SRGAP3: variants seen among roughly 807,000 people sequenced by gnomAD.
SRGAP3 encodes the protein SLIT-ROBO Rho GTPase-activating protein 3.
Under a neutral mutation model 121.1 loss-of-function variants are expected in SRGAP3, and 39 were observed. That is an observed-to-expected ratio of 0.32 (90% CI 0.25 to 0.42). The LOEUF (loss-of-function observed/expected upper bound fraction) is 0.42. Among genes scored for constraint, SRGAP3 ranks in the 10% least tolerant of loss-of-function variants. The pLI, the probability that SRGAP3 is intolerant of heterozygous loss-of-function variation, is 1.00. For synonymous variants in SRGAP3, 601 were observed against 570.0 expected (o/e 1.05, Z -0.77); for missense variants, 1,213 against 1,470.6 (o/e 0.82, Z 2.86).
chr3:9,181,844 A>G (rs1043645195), intron 1 of SRGAP3, among the ~76,000 whole-genome samples: 1 of 152,180 alleles, frequency 6.6e-6, no homozygotes, highest in African/African-American at 2.4e-5. Context: ...TGGAGTCCTC[A>G]TCCCAATAAC....
intron 3 of SRGAP3, among the ~76,000 whole-genome samples, chr3:9,284,666 C>T (rs1205876246): frequency 2.6e-5 from 4 of 151,842 alleles, no homozygotes; most frequent in Non-Finnish European, 4.4e-5. Context: ...CCCATCACTA[C>T]AAAAAATACA....
chr3:9,168,947 C>G (rs547273410), intron 1 of SRGAP3, among the ~76,000 whole-genome samples: 1 of 152,352 alleles, frequency 6.6e-6, no homozygotes, highest in Admixed American at 6.5e-5. Flanking sequence ...GGTGTCCCTT[C>G]CTCCCAACAG....
chr3:9,098,131 A>G (rs1948064936), intron 3 of SRGAP3, among the ~76,000 whole-genome samples: 1 of 152,100 alleles, frequency 6.6e-6, no homozygotes, highest in Non-Finnish European at 1.5e-5. Flanking sequence ...CTCCCTCTGA[A>G]CAAACTTCTG....
intron 3 of SRGAP3, among the ~76,000 whole-genome samples, chr3:9,280,972 G>GA (rs780823146): frequency 6.6e-6 from 1 of 152,122 alleles, no homozygotes; most frequent in African/African-American, 2.4e-5. Context: ...TGAATTGTTG[G>GA]GGGTGGTGGG....
At chr3:9,117,298 T>C (rs1302622482) in intron 2 of SRGAP3, among the ~76,000 whole-genome samples, 1 of 152,252 alleles carries the variant, frequency 6.6e-6, no homozygotes, top group Admixed American at 6.5e-5. Flanking sequence ...GTCTAAATTA[T>C]AGCATCTCTT....
intron 1 of SRGAP3, among the ~76,000 whole-genome samples, chr3:9,135,349 G>A (rs1188737034): frequency 6.6e-6 from 1 of 152,162 alleles, no homozygotes; most frequent in Non-Finnish European, 1.5e-5. Flanking sequence ...ATTTGCGCAC[G>A]ACCTCTCCAA....
intron 1 of SRGAP3, among the ~76,000 whole-genome samples, chr3:9,341,777 G>A (rs1174796834): frequency 6.6e-6 from 1 of 152,188 alleles, no homozygotes; most frequent in South Asian, 2.1e-4. Flanking sequence ...GAGATTACAG[G>A]TGTGAGCCAC....
intron 1 of SRGAP3, among the ~76,000 whole-genome samples, chr3:9,183,720 C>A (rs888328248): frequency 1.3e-5 from 2 of 151,574 alleles, no homozygotes; most frequent in Non-Finnish European, 2.9e-5. Context: ...TTGAACATGT[C>A]CTTCCACATG....
chr3:9,359,452 G>A (rs560282625), intron 1 of SRGAP3, among the ~76,000 whole-genome samples: 4 of 152,192 alleles, frequency 2.6e-5, no homozygotes, highest in Non-Finnish European at 5.9e-5. Context: ...GGTTGCTCAT[G>A]ATTGAAGCAT....
rs887007552 is a variant in SRGAP3 at position 9,109,130 on chromosome 3, G to C, written c.261-4288C>G. ...AAAGGAGAGATGAGATAATTGAGCT[G>C]TTACCTAAATTACTTCAGGGGCTTA... On this transcript the variant is annotated intron_variant, in intron 2 of 21. Transcript: ENST00000383836. The surrounding 1 kb of genome is among the most constrained non-coding windows in gnomAD (Gnocchi z 4.4). 1.1e-4 allele frequency among the ~76,000 whole-genome samples: 17 copies of C among 152,150 alleles called. No individual in the cohort carries two copies. The highest frequency in any genetic ancestry group is 3.3e-4 in the Admixed American group (5 of 15,284).
chr3:9,041,782 G>A (rs1275145490), intron 10 of SRGAP3, among the ~76,000 whole-genome samples: 1 of 152,180 alleles, frequency 6.6e-6, no homozygotes, highest in East Asian at 1.9e-4. Context: ...CACAATTTCT[G>A]GTAGCCACAT....
At chr3:9,173,200 G>A (rs1281391343) in intron 1 of SRGAP3, among the ~76,000 whole-genome samples, 2 of 152,220 alleles carry the variant, frequency 1.3e-5, no homozygotes, top group Non-Finnish European at 2.9e-5. Flanking sequence ...AGCTTCAGCA[G>A]GCCGAATGGA....
chr3:8,996,736 T>C (rs939740462), intron 18 of SRGAP3, among the ~76,000 whole-genome samples: 8 of 152,258 alleles, frequency 5.3e-5, no homozygotes, highest in African/African-American at 1.9e-4. Context: ...CCCATCTGCC[T>C]GCCTCGTTAC....
At chr3:9,355,173 C>A (rs1442897766) in intron 1 of SRGAP3, among the ~76,000 whole-genome samples, 2 of 152,140 alleles carry the variant, frequency 1.3e-5, no homozygotes, top group East Asian at 1.9e-4. Context: ...CTTTTCAAAC[C>A]CAAATCTAAA....
intron 1 of SRGAP3, among the ~76,000 whole-genome samples, chr3:9,242,095 A>AC (rs1227209143): frequency 2.7e-5 from 4 of 150,588 alleles, no homozygotes; most frequent in African/African-American, 9.8e-5. Context: ...AAAAAAAAAA[A>AC]AAAAGAGGAA....
At chr3:9,011,553 C>T (rs1943376249) in intron 17 of SRGAP3, among the ~76,000 whole-genome samples, 1 of 152,210 alleles carries the variant, frequency 6.6e-6, no homozygotes, top group African/African-American at 2.4e-5. Flanking sequence ...GGGTTGGCTC[C>T]TGTTCATTCT....
rs1297695754 is a variant in SRGAP3, at chr3:9,058,475, TG to T, written c.802-4del. 1 of 1,613,462 alleles carries T rather than the reference TG, an allele frequency of 6.2e-7. No homozygotes were observed. Among genetic ancestry groups the T allele is most frequent in the East Asian group, 2.2e-5 (1 of 44,886 alleles). The stretch of plus-strand genomic sequence containing the variant: ...GCATGGAAGCCCAAATCACAGCACT[TG>T]GGGAGAGGCAACAACGGAAGGTTAT... On this transcript the variant is annotated splice_polypyrimidine_tract_variant and splice_region_variant and intron_variant, in intron 6 of 21. Transcript: ENST00000383836.
upstream of SRGAP3, among the ~76,000 whole-genome samples, chr3:9,252,923 G>T (rs140451899): frequency 3.5e-4 from 54 of 152,326 alleles, no homozygotes; most frequent in East Asian, 9.8e-3. Context: ...GACCAGAAAA[G>T]CCCCTGGAAG....
intron 4 of SRGAP3, among the ~76,000 whole-genome samples, chr3:9,073,449 G>A (rs1398668374): frequency 1.3e-5 from 2 of 152,190 alleles, no homozygotes; most frequent in East Asian, 1.9e-4. Flanking sequence ...GCCCAGATAA[G>A]TAGTTTCTAT....
Sources: allele counts gnomAD v4.1 joint callset (sites outside exome capture counted in the v4.1 genomes callset), GRCh38; gene constraint gnomAD v4.1.1; non-coding constraint Gnocchi (gnomAD v3.1); transcripts MANE v1.5; gene names NCBI Gene and HGNC (gene_info 2026-07-23, HGNC 2026-07-21).